Variants in BMERB1 observed in about 807,000 individuals in gnomAD.
BMERB1 encodes the protein bMERB domain containing 1.
A neutral mutation model predicts 23.6 loss-of-function variants in BMERB1; 12 were observed. The ratio of observed to expected loss-of-function variants is 0.51; its 90% CI spans 0.33 to 0.82. BMERB1 has a LOEUF of 0.82. Among genes scored for constraint, BMERB1 ranks in the 40% least tolerant of loss-of-function variants. BMERB1 has a pLI of 0.03. For synonymous variants in BMERB1, 122 were observed against 96.6 expected (o/e 1.26, Z -1.54); for missense variants, 247 against 255.4 (o/e 0.97, Z 0.22).
intron 2 of BMERB1, among the ~76,000 whole-genome samples, chr16:15,566,936 A>C (rs2030583022): frequency 6.6e-6 from 1 of 152,092 alleles, no homozygotes; most frequent in Non-Finnish European, 1.5e-5. Context: ...ATATCCCAGC[A>C]CTTTGAGAGG....
intron 1 of BMERB1, among the ~76,000 whole-genome samples, chr16:15,513,830 G>T (rs948875238): frequency 2.0e-5 from 3 of 151,906 alleles, no homozygotes; most frequent in African/African-American, 7.3e-5. Context: ...GGAGGTGAAG[G>T]TTGCATTGAG....
chr16:15,568,550 ATCACT>A (rs1407665397), intron 3 of BMERB1, among the ~76,000 whole-genome samples: 1 of 152,142 alleles, frequency 6.6e-6, no homozygotes, highest in Non-Finnish European at 1.5e-5. Context: ...AGGCAGGAGA[ATCACT>A]TGAGCTTGGG....
chr16:15,572,914 C>T (rs113964265), intron 3 of BMERB1, among the ~76,000 whole-genome samples: 8 of 152,148 alleles, frequency 5.3e-5, no homozygotes, highest in South Asian at 2.1e-4. Context: ...TTTCCCCTTT[C>T]GCTTGATTCT....
intron 2 of BMERB1, chr16:15,537,003 C>G (rs1030614892): frequency 6.6e-6 from 1 of 152,320 alleles, no homozygotes; most frequent in East Asian, 1.9e-4. Context: ...TCTCTCTCCC[C>G]TGTAGCCTAG....
chr16:15,490,164 C>T (rs778685418), intron 1 of BMERB1, among the ~76,000 whole-genome samples: 6 of 152,086 alleles, frequency 3.9e-5, no homozygotes, highest in African/African-American at 7.2e-5. Flanking sequence ...TGCACCCAGC[C>T]CTCCAGATCC....
At chr16:15,480,920 C>T (rs952775124) in intron 1 of BMERB1, among the ~76,000 whole-genome samples, 1 of 152,050 alleles carries the variant, frequency 6.6e-6, no homozygotes, top group African/African-American at 2.4e-5. Context: ...CCAGGAATTA[C>T]ACTTTTAGAA....
intron 1 of BMERB1, among the ~76,000 whole-genome samples, chr16:15,448,564 C>T (rs998183607): frequency 1.3e-4 from 20 of 152,122 alleles, no homozygotes; most frequent in African/African-American, 4.6e-4. Flanking sequence ...GAGGCCCACG[C>T]GGGTGGGTCA....
intron 2 of BMERB1, among the ~76,000 whole-genome samples, chr16:15,541,776 G>C (rs1403720789): frequency 1.3e-5 from 2 of 150,962 alleles, no homozygotes; most frequent in Non-Finnish European, 3.0e-5. Flanking sequence ...TAATTTTTTT[G>C]TATTTTTGGT....
intron 1 of BMERB1, among the ~76,000 whole-genome samples, chr16:15,460,924 G>A (rs1234272817): frequency 6.6e-6 from 1 of 152,138 alleles, no homozygotes; most frequent in African/African-American, 2.4e-5. Context: ...AGGAGTTTGA[G>A]ACCAGCCTGG....
intron 1 of BMERB1, among the ~76,000 whole-genome samples, chr16:15,501,040 C>G (rs961424318): frequency 6.6e-6 from 1 of 152,136 alleles, no homozygotes; most frequent in Non-Finnish European, 1.5e-5. Flanking sequence ...ACATCTCATT[C>G]GTATCTTTAA....
At chr16:15,495,366 TTTTG>T (rs2051463334) in intron 1 of BMERB1, among the ~76,000 whole-genome samples, 1 of 151,722 alleles carries the variant, frequency 6.6e-6, no homozygotes, top group South Asian at 2.1e-4. Context: ...CAGCTAAGTT[TTTTG>T]TTTTTTGTTT....
intron 2 of BMERB1, among the ~76,000 whole-genome samples, chr16:15,550,187 G>A (rs894737920): frequency 3.3e-5 from 5 of 152,096 alleles, no homozygotes; most frequent in African/African-American, 7.2e-5. Context: ...GATCCACCCC[G>A]CCTCGGCCTC....
intron 2 of BMERB1, among the ~76,000 whole-genome samples, chr16:15,518,982 TGGAACAATGCCTG>T (rs1253333129): frequency 6.6e-6 from 1 of 152,012 alleles, no homozygotes; most frequent in Non-Finnish European, 1.5e-5. Flanking sequence ...TCCCAGCATT[TGGAACAATGCCTG>T]GCACTGAGTG....
rs188327491 is a variant in BMERB1, at chr16:15,448,707, G to T, written c.106+13948G>T. Reference sequence around the variant, plus strand: ...CTCAGGAGGCTGAGGCATGAGAATCGCTTGAACCTGGGAGGCAGAGGTTGC... The same window carrying T: ...CTCAGGAGGCTGAGGCATGAGAATCTCTTGAACCTGGGAGGCAGAGGTTGC... On this transcript the variant is annotated intron_variant, in intron 1 of 5. Transcript: ENST00000300006. Among the ~76,000 whole-genome samples the T allele has an allele frequency of 2.0e-5, 3 of 152,270 alleles. No homozygotes were observed. The East Asian group carries it at 5.8e-4, about 29-fold the overall frequency.
chr16:15,481,907 T>C (rs2051323860), intron 1 of BMERB1, among the ~76,000 whole-genome samples: 1 of 151,832 alleles, frequency 6.6e-6, no homozygotes, highest in Admixed American at 6.6e-5. Context: ...GTATTTTTTT[T>C]TTTAGTAGAG....
At chr16:15,527,331 G>T (rs113658140) in intron 2 of BMERB1, among the ~76,000 whole-genome samples, 1 of 152,146 alleles carries the variant, frequency 6.6e-6, no homozygotes, top group Non-Finnish European at 1.5e-5. Flanking sequence ...CAGGCCAGGC[G>T]CTGTGGCTCA....
intron 1 of BMERB1, among the ~76,000 whole-genome samples, chr16:15,456,978 A>C (rs1402019533): frequency 2.6e-5 from 4 of 151,900 alleles, no homozygotes; most frequent in Non-Finnish European, 5.9e-5. Context: ...GGCACGCGCC[A>C]CTATGCCTGG....
chr16:15,480,899 A>C (rs1265634422), intron 1 of BMERB1, among the ~76,000 whole-genome samples: 2 of 152,118 alleles, frequency 1.3e-5, no homozygotes, highest in Non-Finnish European at 2.9e-5. Flanking sequence ...AGCATGAGCC[A>C]CTGTGCCCGG....
At chr16:15,579,267 C>T (rs1156925119) in intron 3 of BMERB1, among the ~76,000 whole-genome samples, 4 of 152,074 alleles carry the variant, frequency 2.6e-5, no homozygotes, top group Non-Finnish European at 5.9e-5. Flanking sequence ...TTGGTGCGTG[C>T]TTGGAGAGGG....
Sources: gnomAD v4.1 joint callset for allele counts (sites outside exome capture counted in the v4.1 genomes callset) on GRCh38, gnomAD v4.1.1 for gene constraint, MANE v1.5 for transcripts, NCBI Gene and HGNC (gene_info 2026-07-23, HGNC 2026-07-21) for gene names.